Variants in NEK11 observed in about 807,000 individuals in gnomAD.
NEK11 encodes NIMA related kinase 11.
Under a neutral mutation model 80.7 loss-of-function variants are expected in NEK11, and 72 were observed. That is an observed-to-expected ratio of 0.89 (90% confidence interval 0.74 to 1.08). NEK11 has a LOEUF of 1.08. Among genes scored for constraint, NEK11 ranks in the 50% least tolerant of loss-of-function variants. The probability of loss-of-function intolerance (pLI) is 0.00; values close to 1 mark genes in which losing one functional copy is unlikely to be tolerated. For synonymous variants in NEK11, 251 were observed against 260.7 expected (o/e 0.96, Z 0.36); for missense variants, 764 against 763.6 (o/e 1.00, Z -0.01).
intron 17 of NEK11, among the ~76,000 whole-genome samples, chr3:131,335,990 C>T (rs1343126252): frequency 6.8e-6 from 1 of 146,642 alleles, no homozygotes; most frequent in African/African-American, 2.5e-5. Context: ...AATGGAAGAA[C>T]ATTCCATGCT....
At chr3:131,027,587 AAAG>A (rs1276208966) in intron 1 of NEK11, 1 of 152,224 alleles carries the variant, frequency 6.6e-6, no homozygotes, top group South Asian at 2.1e-4. Context: ...ATGCAGAAAT[AAAG>A]AAGATGTGTT....
intron 4 of NEK11, among the ~76,000 whole-genome samples, chr3:131,087,626 G>A (rs1173097835): frequency 6.6e-6 from 1 of 152,146 alleles, no homozygotes; most frequent in African/African-American, 2.4e-5. Flanking sequence ...CGGAACATTT[G>A]AAATTTCCTC....
chr3:131,239,780 A>T (rs1020519582), intron 15 of NEK11, among the ~76,000 whole-genome samples: 1 of 152,206 alleles, frequency 6.6e-6, no homozygotes, highest in African/African-American at 2.4e-5. Flanking sequence ...CTGAGCTCTC[A>T]TCCCAAACTA....
At chr3:131,177,781 T>A (rs2093117858) in intron 14 of NEK11, among the ~76,000 whole-genome samples, 1 of 152,142 alleles carries the variant, frequency 6.6e-6, no homozygotes, top group Non-Finnish European at 1.5e-5. Context: ...ATTATAAAAA[T>A]TACAGACACA....
intron 17 of NEK11, among the ~76,000 whole-genome samples, chr3:131,303,736 G>T (rs1407333173): frequency 1.3e-5 from 2 of 152,112 alleles, no homozygotes; most frequent in Non-Finnish European, 2.9e-5. Context: ...GCCTGATGGG[G>T]TTCCCTTCGT....
rs78206095 is a variant in NEK11 at position 131,205,552 on chromosome 3, G to A, written c.1400-22976G>A. On this transcript the variant is annotated intron_variant, in intron 14 of 17. Coordinates refer to ENST00000383366, the MANE Select transcript of NEK11 (RefSeq NM_024800.5). Reference sequence around the variant, plus strand: ...CTCTTTTTGTGGGGGCTACTCTCAAGCTGCCAGAGCTCCGTCTGTCTATAC... The same window carrying A: ...CTCTTTTTGTGGGGGCTACTCTCAAACTGCCAGAGCTCCGTCTGTCTATAC... Among the ~76,000 whole-genome samples the A allele has an allele frequency of 6.7e-3, 1,018 of 152,256 alleles. 7 individuals carry two copies. The highest frequency in any genetic ancestry group is 0.01 in the Admixed American group (155 of 15,294).
At chr3:131,096,604 A>C (rs1348740927) in intron 4 of NEK11, among the ~76,000 whole-genome samples, 1 of 152,104 alleles carries the variant, frequency 6.6e-6, no homozygotes, top group Non-Finnish European at 1.5e-5. Context: ...GAATCTCTAA[A>C]CTGCTTTCCA....
intron 14 of NEK11, among the ~76,000 whole-genome samples, chr3:131,220,078 C>T (rs900006688): frequency 3.3e-5 from 5 of 152,180 alleles, no homozygotes; most frequent in Admixed American, 3.3e-4. Context: ...GCAGATGTCA[C>T]CAGTTAACTT....
Position 131,349,598 on chromosome 3 carries a change from TCTATAATTACCTCAAGAGAGC to T in NEK11, c.1761_1781del (p.Tyr588_Ala594del). 1 of 1,614,020 alleles carries T rather than the reference TCTATAATTACCTCAAGAGAGC, an allele frequency of 6.2e-7. No individual in the cohort carries two copies. Among genetic ancestry groups the T allele is most frequent in the East Asian group, 2.2e-5 (1 of 44,868 alleles). ...CTGGGGACAGAAGTATTTGAAGAGG[TCTATAATTACCTCAAGAGAGC>T]AAGGCATCAGAATGCTAGCGAAGCA... On this transcript the variant is annotated inframe_deletion, in exon 18 of 18. Coordinates refer to ENST00000383366, the MANE Select transcript of NEK11 (RefSeq NM_024800.5).
intron 17 of NEK11, among the ~76,000 whole-genome samples, chr3:131,307,347 C>T (rs540780549): frequency 5.3e-5 from 8 of 152,258 alleles, no homozygotes; most frequent in African/African-American, 1.9e-4. Context: ...ATAGTCTTTG[C>T]CTTTGAGAGA....
At chr3:131,134,409 T>G (rs2085127546) in intron 7 of NEK11, 1 of 151,658 alleles carries the variant, frequency 6.6e-6, no homozygotes, top group South Asian at 2.1e-4. Context: ...ATAAACTATT[T>G]TTTTTTTTTG....
intron 7 of NEK11, among the ~76,000 whole-genome samples, chr3:131,140,657 C>T (rs1318770130): frequency 6.6e-6 from 1 of 152,142 alleles, no homozygotes; most frequent in African/African-American, 2.4e-5. Flanking sequence ...GACAATCTGG[C>T]AGTGTTTGTT....
chr3:131,239,667 C>T lies in NEK11; in HGVS notation c.1561-3769C>T, dbSNP rs1034109017. 3.3e-5 allele frequency among the ~76,000 whole-genome samples: 5 copies of T among 152,140 alleles called. No individual in the cohort carries two copies. In the South Asian group the frequency reaches 1.0e-3, roughly 31 times the overall value. On this transcript the variant is annotated intron_variant, in intron 15 of 17. Transcript: ENST00000383366. Reference sequence around the variant, plus strand: ...TAGACAGATGGCTGAGTTTTCACACCTTCAAGGTGAAGGAGCAGTGAGCAA... The same window carrying T: ...TAGACAGATGGCTGAGTTTTCACACTTTCAAGGTGAAGGAGCAGTGAGCAA...
At position 131,054,747 on chromosome 3, in the gene NEK11, TCTAAATAA is replaced by T. The variant is rs1451411866; in HGVS notation, c.170+24870_170+24877del. ...ACTCCAGCCTGGGTGACAGCCTGCC[TCTAAATAA>T]ATAAATAAATAAATAAATAAATAAA... On this transcript the variant is annotated intron_variant, in intron 3 of 17. Transcript: ENST00000383366. 1.7e-4 allele frequency among the ~76,000 whole-genome samples: 21 copies of T among 124,076 alleles called. No individual in the cohort carries two copies. In the South Asian group the frequency reaches 3.8e-3, roughly 23 times the overall value. 81.4% of individuals were successfully genotyped at this position (124,076 alleles called of 152,430 possible).
rs114691209 is a variant in NEK11, at chr3:131,078,248, C to G, written c.171-2175C>G. Among the ~76,000 whole-genome samples the G allele has an allele frequency of 8.1e-3, 1,236 of 152,156 alleles. 22 individuals are homozygous for G. The highest frequency in any genetic ancestry group is 0.028 in the African/African-American group (1,170 of 41,492). The stretch of plus-strand genomic sequence containing the variant: ...CTCAAATTTCAGGGGAAGTGACTTC[C>G]CAGTAATGGTCATCTTGGATTAGAA... On this transcript the variant is annotated intron_variant, in intron 3 of 17. Transcript: ENST00000383366.
chr3:131,242,683 G>A (rs1473398193), intron 15 of NEK11, among the ~76,000 whole-genome samples: 1 of 152,108 alleles, frequency 6.6e-6, no homozygotes, highest in Non-Finnish European at 1.5e-5. Flanking sequence ...CTCCCAAAAT[G>A]CTGGGATTAC....
chr3:131,317,878 T>C (rs998865610), intron 17 of NEK11, among the ~76,000 whole-genome samples: 6 of 87,772 alleles, frequency 6.8e-5, no homozygotes, highest in African/African-American at 2.6e-4. Context: ...ACTGCAGACC[T>C]CATTTTTAAA....
intron 4 of NEK11, among the ~76,000 whole-genome samples, chr3:131,099,966 G>A (rs1383914016): frequency 6.6e-6 from 1 of 152,160 alleles, no homozygotes; most frequent in Non-Finnish European, 1.5e-5. Context: ...CTCTTGCCCA[G>A]TTGCTCTGGC....
At chr3:131,068,840 C>A (rs937146347) in intron 3 of NEK11, among the ~76,000 whole-genome samples, 1 of 152,100 alleles carries the variant, frequency 6.6e-6, no homozygotes, top group Non-Finnish European at 1.5e-5. Context: ...CACAACTCAG[C>A]AAAAATATAA....
Sources: gnomAD v4.1 joint callset for allele counts (sites outside exome capture counted in the v4.1 genomes callset) on GRCh38, gnomAD v4.1.1 for gene constraint, MANE v1.5 for transcripts, NCBI Gene and HGNC (gene_info 2026-07-23, HGNC 2026-07-21) for gene names.